The following PCBP3 variants were observed in gnomAD, a reference collection of about 807,000 sequenced individuals.
PCBP3 encodes the protein poly(rC)-binding protein 3.
Under a neutral mutation model 52.7 loss-of-function variants are expected in PCBP3, and 25 were observed. The observed-to-expected ratio is 0.47, with a 90% CI of 0.35 to 0.66. The LOEUF (loss-of-function observed/expected upper bound fraction) is 0.66. PCBP3 is among the 30% of genes least tolerant of loss of function. The probability of loss-of-function intolerance (pLI) is 0.01; values close to 1 mark genes in which losing one functional copy is unlikely to be tolerated. For synonymous variants in PCBP3, 162 were observed against 183.0 expected (o/e 0.89, Z 0.93); for missense variants, 391 against 490.3 (o/e 0.80, Z 1.91).
At chr21:45,723,049 A>T (rs917477889) in intron 2 of PCBP3, among the ~76,000 whole-genome samples, 1 of 152,038 alleles carries the variant, frequency 6.6e-6, no homozygotes, top group Admixed American at 6.5e-5. Context: ...TGTAATAATG[A>T]GAAAGTACTA....
intron 5 of PCBP3, among the ~76,000 whole-genome samples, chr21:45,876,014 A>G (rs886209990): frequency 2.6e-5 from 4 of 152,134 alleles, no homozygotes; most frequent in Non-Finnish European, 4.4e-5. Flanking sequence ...GGGGTGAGGA[A>G]TGTTCCCGCT....
chr21:45,906,034 A>G (rs1415119774), intron 9 of PCBP3, among the ~76,000 whole-genome samples: 10 of 152,260 alleles, frequency 6.6e-5, no homozygotes, highest in African/African-American at 2.4e-4. Flanking sequence ...ATCGCTAGGG[A>G]GATTTAGGTC....
intron 5 of PCBP3, among the ~76,000 whole-genome samples, chr21:45,865,564 C>T (rs552370246): frequency 1.5e-4 from 23 of 152,328 alleles, no homozygotes; most frequent in Non-Finnish European, 2.9e-4. Flanking sequence ...TCTCATGCAG[C>T]GGCGTGTCCT....
At chr21:45,900,313 G>T (rs1430469871) in intron 7 of PCBP3, among the ~76,000 whole-genome samples, 4 of 152,216 alleles carry the variant, frequency 2.6e-5, no homozygotes, top group Admixed American at 1.3e-4. Context: ...GCTGCCATGG[G>T]GAGTCAGGTC....
chr21:45,838,979 C>A (rs142928691), intron 4 of PCBP3, among the ~76,000 whole-genome samples: 115 of 152,314 alleles, frequency 7.6e-4, no homozygotes, highest in African/African-American at 2.6e-3. Flanking sequence ...TCCCTTCCTT[C>A]TCCTGTAAGT....
chr21:45,895,197 T>C (rs181667132), intron 5 of PCBP3, among the ~76,000 whole-genome samples: 204 of 152,358 alleles, frequency 1.3e-3, no homozygotes, highest in East Asian at 9.6e-4. Flanking sequence ...CTTTGTGTTT[T>C]TCTTTTAGCA....
At chr21:45,695,954 C>T (rs993947397) in intron 2 of PCBP3, among the ~76,000 whole-genome samples, 3 of 151,836 alleles carry the variant, frequency 2.0e-5, no homozygotes, top group African/African-American at 7.3e-5. Flanking sequence ...TGGCACACAC[C>T]TGTAATTCCA....
rs2095969491 is a variant in PCBP3 at position 45,899,630 on chromosome 21, T to C, written c.189+8T>C. Reference sequence around the variant, plus strand: ...GGAAGCATCATCGGGAAGGTAATTATTGATTGAATCTCTGCCTCTCCTGGG... The same window carrying C: ...GGAAGCATCATCGGGAAGGTAATTACTGATTGAATCTCTGCCTCTCCTGGG... On this transcript the variant is annotated splice_region_variant and intron_variant, in intron 7 of 17. Transcript: ENST00000681687. The C allele has an allele frequency of 1.9e-6, 3 of 1,606,562 alleles. No homozygotes were observed. Among genetic ancestry groups the C allele is most frequent in the Non-Finnish European group, 8.5e-7 (1 of 1,173,174 alleles).
At chr21:45,891,358 A>G (rs1569451873) in intron 5 of PCBP3, among the ~76,000 whole-genome samples, 2 of 152,340 alleles carry the variant, frequency 1.3e-5, no homozygotes, top group South Asian at 4.1e-4. Flanking sequence ...AATGTTCTTC[A>G]CTGGTTGAGT....
chr21:45,710,305 C>A (rs941368674), intron 2 of PCBP3, among the ~76,000 whole-genome samples: 2 of 152,182 alleles, frequency 1.3e-5, no homozygotes, highest in Non-Finnish European at 2.9e-5. Flanking sequence ...TCCCTCCTGC[C>A]TCCCCCAACC....
At chr21:45,691,430 T>C (rs1391560597) in intron 2 of PCBP3, among the ~76,000 whole-genome samples, 1 of 120,062 alleles carries the variant, frequency 8.3e-6, no homozygotes, top group African/African-American at 3.6e-5. Context: ...ATATAAAATA[T>C]ATATATCATA....
At chr21:45,889,251 G>A (rs534691673) in intron 5 of PCBP3, among the ~76,000 whole-genome samples, 8 of 152,130 alleles carry the variant, frequency 5.3e-5, no homozygotes, top group Non-Finnish European at 8.8e-5. Context: ...TAAGTGCCCC[G>A]AGCTGCCGTC....
chr21:45,914,072 T>C, intron 12 of PCBP3, 47 bp downstream of exon 12: 2 of 1,608,770 alleles, frequency 1.2e-6, no homozygotes, highest in South Asian at 2.2e-5. Flanking sequence ...CTCAGCCTTT[T>C]ACTGCAGCAC....
intron 17 of PCBP3, among the ~76,000 whole-genome samples, chr21:45,940,440 C>T (rs1037185308): frequency 6.6e-6 from 1 of 152,198 alleles, no homozygotes; most frequent in Non-Finnish European, 1.5e-5. Context: ...CAGGGACAAT[C>T]CCGGAGGCTA....
chr21:45,857,101 A>G (rs1603451485), intron 5 of PCBP3, among the ~76,000 whole-genome samples: 1 of 152,242 alleles, frequency 6.6e-6, no homozygotes, highest in Non-Finnish European at 1.5e-5. Flanking sequence ...ACTCTCAGTT[A>G]ATCTCTTCAG....
intron 2 of PCBP3, among the ~76,000 whole-genome samples, chr21:45,713,350 C>G (rs992783381): frequency 1.3e-5 from 2 of 152,180 alleles, no homozygotes; most frequent in Non-Finnish European, 2.9e-5. Flanking sequence ...GGTTTATGCT[C>G]CAGACAAACC....
chr21:45,815,004 G>T (rs2092839975), intron 4 of PCBP3, among the ~76,000 whole-genome samples: 1 of 102,490 alleles, frequency 9.8e-6, no homozygotes, highest in African/African-American at 4.0e-5. Context: ...TGGTGAGTGA[G>T]TGGTGAGTGA....
At chr21:45,648,027 G>A (rs1033379746) in intron 1 of PCBP3, among the ~76,000 whole-genome samples, 10 of 152,220 alleles carry the variant, frequency 6.6e-5, no homozygotes, top group Non-Finnish European at 4.4e-5. Flanking sequence ...TGGCTTTGAA[G>A]ATGGAAGGGT....
At chr21:45,831,804 G>A (rs1023963915) in intron 4 of PCBP3, among the ~76,000 whole-genome samples, 24 of 152,298 alleles carry the variant, frequency 1.6e-4, no homozygotes, top group African/African-American at 4.6e-4. Context: ...TCCACCTCCC[G>A]GGTTCAAGTG....
Sources: allele counts gnomAD v4.1 joint callset (sites outside exome capture counted in the v4.1 genomes callset), GRCh38; gene constraint gnomAD v4.1.1; transcripts MANE v1.5; gene names NCBI Gene and HGNC (gene_info 2026-07-23, HGNC 2026-07-21).